Variants in SMCHD1 observed in about 807,000 individuals in gnomAD.
SMCHD1 encodes the protein structural maintenance of chromosomes flexible hinge domain containing 1.
A neutral mutation model predicts 254.7 loss-of-function variants in SMCHD1; 78 were observed. The ratio of observed to expected loss-of-function variants is 0.31; its 90% CI spans 0.26 to 0.37. The LOEUF (loss-of-function observed/expected upper bound fraction) is 0.37. Among genes scored for constraint, SMCHD1 ranks in the 10% least tolerant of loss-of-function variants. The probability of loss-of-function intolerance (pLI) is 1.00; values close to 1 mark genes in which losing one functional copy is unlikely to be tolerated. For synonymous variants in SMCHD1, 766 were observed against 794.9 expected (o/e 0.96, Z 0.61); for missense variants, 1,840 against 2,408.1 (o/e 0.76, Z 4.94).
chr18:2,731,878 G>A (rs2075147379), intron 24 of SMCHD1, among the ~76,000 whole-genome samples: 1 of 152,114 alleles, frequency 6.6e-6, no homozygotes, highest in African/African-American at 2.4e-5. Context: ...ATGCATGGTG[G>A]TAGGCGCCTG....
At chr18:2,699,824 T>C (rs995161817) in intron 10 of SMCHD1, among the ~76,000 whole-genome samples, 1 of 152,214 alleles carries the variant, frequency 6.6e-6, no homozygotes, top group Non-Finnish European at 1.5e-5. Context: ...AGGGACTTCT[T>C]GTGAGGGCTT....
intron 19 of SMCHD1, among the ~76,000 whole-genome samples, chr18:2,720,979 T>C (rs1396618957): frequency 6.6e-6 from 1 of 152,188 alleles, no homozygotes. Flanking sequence ...CCCTGAAGAA[T>C]AAACCTTCCA....
At chr18:2,795,601 C>A (rs1384408866) in intron 45 of SMCHD1, among the ~76,000 whole-genome samples, 1 of 152,092 alleles carries the variant, frequency 6.6e-6, no homozygotes, top group Non-Finnish European at 1.5e-5. Flanking sequence ...CTTCTCCCTG[C>A]AAAATTTGTC....
chr18:2,777,431 A>C (rs1157656483), intron 42 of SMCHD1, among the ~76,000 whole-genome samples: 5 of 152,346 alleles, frequency 3.3e-5, no homozygotes, highest in African/African-American at 1.2e-4. Context: ...TATGTGTCTC[A>C]GTCTTGGGCC....
Position 2,803,791 on chromosome 18 carries a change from G to A in SMCHD1, c.*1239G>A, listed in dbSNP as rs187518582. The A allele has an allele frequency of 6.6e-6, 1 of 152,262 alleles. No individual in the cohort carries two copies. Among genetic ancestry groups the A allele is most frequent in the African/African-American group, 2.4e-5 (1 of 41,560 alleles). 9.4% of individuals were successfully genotyped at this position (152,262 alleles called of 1,614,324 possible). A position where few individuals can be genotyped will look rare whatever the true frequency, so the allele number is the denominator to read the frequency against. Reference sequence around the variant, plus strand: ...GCTGTGGGGAAGATTGGCTCCCATGGTACTACAGGTTGAGTATCCCTTATT... The same window carrying A: ...GCTGTGGGGAAGATTGGCTCCCATGATACTACAGGTTGAGTATCCCTTATT... On this transcript the variant is annotated 3_prime_UTR_variant, in exon 48 of 48. Transcript: ENST00000320876.
In SMCHD1 at chr18:2,700,877, A is replaced by G; in HGVS notation, c.1606A>G (p.Lys536Glu). The change falls in exon 12 of 48, where the codon AAA becomes GAA. Residue 536 changes from lysine (K) to glutamate (E), a missense_variant. Coordinates refer to ENST00000320876, the MANE Select transcript of SMCHD1 (RefSeq NM_015295.3). Reference protein sequence around the residue: ...LTFMDLELKLKDKNTLFTRIL... With the variant: ...LTFMDLELKLEDKNTLFTRIL... The stretch of plus-strand genomic sequence containing the variant: ...GTTTATGGATCTTGAGCTAAAATTG[A>G]AAGATAAGAACACCCTTTTTACAAG... 1.2e-6 allele frequency: 2 copies of G among 1,611,442 alleles called. No individual in the cohort carries two copies. Among genetic ancestry groups the G allele is most frequent in the Non-Finnish European group, 1.7e-6 (2 of 1,178,790 alleles).
In SMCHD1 at chr18:2,688,632, T is replaced by C. The variant is rs1057518622; in HGVS notation, c.758T>C (p.Ile253Thr). The change falls in exon 7 of 48, where the codon ATA becomes ACA. Residue 253 changes from isoleucine (I) to threonine (T), a missense_variant. Ile to Thr is a moderately conservative substitution (Grantham distance 89). This residue lies in a region of SMCHD1 where 498 missense variants were observed against 743.5 expected (regional missense o/e 0.67). Coordinates refer to ENST00000320876, the MANE Select transcript of SMCHD1 (RefSeq NM_015295.3). ...ACTCTTTTTAATATTTAACAGATGA[T>C]AAGCAAACCTGCAGATTCCCAAGAT... The part of the protein sequence containing the change: ...VFFVGQSARM[I>T]SKPADSQDVH... 18 of 1,558,712 alleles carry C rather than the reference T, an allele frequency of 1.2e-5. No homozygotes were observed. The highest frequency in any genetic ancestry group is 1.5e-5 in the Non-Finnish European group (17 of 1,152,958).
Position 2,667,033 on chromosome 18 carries a change from T to C in SMCHD1, c.424+2T>C. 1.3e-6 allele frequency: 2 copies of C among 1,566,550 alleles called. No individual in the cohort carries two copies. Among genetic ancestry groups the C allele is most frequent in the Non-Finnish European group, 1.7e-6 (2 of 1,152,584 alleles). ...CCAGTGAAGGACAAAATCCTTTGCG[T>C]AAGTATCCCATTCATACTAATTTTG... On this transcript the variant is annotated splice_donor_variant, in intron 3 of 47. Coordinates refer to ENST00000320876, the MANE Select transcript of SMCHD1 (RefSeq NM_015295.3). LOFTEE classifies it high-confidence loss of function.
Position 2,802,559 on chromosome 18 carries a change from A to T in SMCHD1, c.*7A>T. On this transcript the variant is annotated 3_prime_UTR_variant, in exon 48 of 48. Coordinates refer to ENST00000320876, the MANE Select transcript of SMCHD1 (RefSeq NM_015295.3). ...AACCAAAACAGATGTATGAGAGGTG[A>T]CAGAGAGAAGAGGCCATTGGTCTCA... 6.4e-7 allele frequency: 1 copy of T among 1,552,552 alleles called. No individual in the cohort carries two copies. Among genetic ancestry groups the T allele is most frequent in the Non-Finnish European group, 8.7e-7 (1 of 1,147,484 alleles).
intron 37 of SMCHD1, among the ~76,000 whole-genome samples, chr18:2,767,148 C>T (rs914121951): frequency 5.3e-5 from 8 of 151,934 alleles, no homozygotes; most frequent in Non-Finnish European, 8.8e-5. Flanking sequence ...GCCCCAGCTA[C>T]TCAGGCAGCT....
intron 10 of SMCHD1, among the ~76,000 whole-genome samples, chr18:2,698,673 CT>C (rs1466605295): frequency 1.2e-3 from 51 of 42,616 alleles, no homozygotes; most frequent in Middle Eastern, 0.02. Flanking sequence ...TGGCCCCCAC[CT>C]TTTTTTCCCC....
intron 42 of SMCHD1, among the ~76,000 whole-genome samples, chr18:2,777,265 C>G (rs1296564824): frequency 6.6e-6 from 1 of 152,230 alleles, no homozygotes; most frequent in Non-Finnish European, 1.5e-5. Flanking sequence ...ATTGAATTAA[C>G]TAGAGCTCCT....
intron 7 of SMCHD1, among the ~76,000 whole-genome samples, chr18:2,693,622 TTTTG>T (rs77752065): frequency 0.022 from 3,344 of 149,346 alleles, 45 homozygotes; most frequent in Middle Eastern, 0.1. Context: ...ATACCATGTT[TTTTG>T]TTTGTTTGTT....
chr18:2,696,569 G>A (rs1484148248), intron 8 of SMCHD1, among the ~76,000 whole-genome samples: 3 of 152,172 alleles, frequency 2.0e-5, no homozygotes, highest in African/African-American at 7.2e-5. Context: ...TGCCAAAAAG[G>A]TTGGGGACTG....
At chr18:2,707,361 T>TC (rs1310845275) in intron 15 of SMCHD1, 2 of 343,074 alleles carry the variant, frequency 5.8e-6, no homozygotes, top group Non-Finnish European at 1.0e-5. Context: ...GGTTTTTTTT[T>TC]TTCTTCTTCT....
intron 27 of SMCHD1, 122 bp downstream of exon 27, chr18:2,739,642 A>T: frequency 7.6e-6 from 5 of 660,374 alleles, no homozygotes; most frequent in Non-Finnish European, 1.3e-5. Flanking sequence ...TGTTACTGAT[A>T]TAAAATCTAT....
intron 38 of SMCHD1, 68 bp from the exon 39 acceptor site, chr18:2,769,921 C>A: frequency 1.3e-6 from 2 of 1,522,568 alleles, no homozygotes; most frequent in South Asian, 1.3e-5. Context: ...GCTATCTAAC[C>A]ACTTTATGAC....
At chr18:2,679,749 T>C (rs559502868) in intron 5 of SMCHD1, among the ~76,000 whole-genome samples, 15 of 152,292 alleles carry the variant, frequency 9.8e-5, no homozygotes, top group African/African-American at 3.6e-4. Flanking sequence ...TTCTCGGATA[T>C]ATAGAATAAA....
chr18:2,782,706 C>G (rs1418984423), intron 44 of SMCHD1, among the ~76,000 whole-genome samples: 1 of 127,198 alleles, frequency 7.9e-6, no homozygotes, highest in African/African-American at 2.9e-5. Context: ...GGTCATGCCA[C>G]TGCACTCCAG....
Sources: gnomAD v4.1 joint callset for allele counts (sites outside exome capture counted in the v4.1 genomes callset) on GRCh38, gnomAD v4.1.1 for gene constraint, gnomAD v4.1.1 regional missense constraint, MANE v1.5 for transcripts, NCBI Gene and HGNC (gene_info 2026-07-23, HGNC 2026-07-21) for gene names.